The following KCNJ6 variants were observed in gnomAD, a reference collection of about 807,000 sequenced individuals.
The protein encoded by KCNJ6 is potassium inwardly rectifying channel subfamily J member 6.
A neutral mutation model predicts 34.2 loss-of-function variants in KCNJ6; 9 were observed. The ratio of observed to expected loss-of-function variants is 0.26; its 90% CI spans 0.16 to 0.46. The LOEUF is 0.46. Among genes scored for constraint, KCNJ6 ranks in the 20% least tolerant of loss-of-function variants. The probability of loss-of-function intolerance (pLI) is 1.00; values close to 1 mark genes in which losing one functional copy is unlikely to be tolerated. For missense variants in KCNJ6, 236 were observed against 531.3 expected, an observed-to-expected ratio of 0.44 and a Z score of 5.46; for synonymous variants, 196 against 207.1, an observed-to-expected ratio of 0.95 and a Z score of 0.46.
intron 2 of KCNJ6, among the ~76,000 whole-genome samples, chr21:37,748,811 C>T (rs538006887): frequency 6.4e-4 from 97 of 150,942 alleles, no homozygotes; most frequent in Admixed American, 2.0e-3. Flanking sequence ...AGTTGCCCTA[C>T]GGAGGTTTTA....
chr21:37,675,552 G>A lies in KCNJ6; in HGVS notation c.946+38659C>T, dbSNP rs1041962639. Among the ~76,000 whole-genome samples the A allele has an allele frequency of 6.6e-6, 1 of 152,238 alleles. No homozygotes were observed. The highest frequency in any genetic ancestry group is 1.5e-5 in the Non-Finnish European group (1 of 68,042). ...CCCAGCACCCCTGGGAGGAGCTGCTGCGATGACACCCAGTCCCTGGGCGCC... is the reference window on the plus strand; with the variant it reads ...CCCAGCACCCCTGGGAGGAGCTGCTACGATGACACCCAGTCCCTGGGCGCC... On this transcript the variant is annotated intron_variant, in intron 3 of 3. Transcript: ENST00000609713. This position sits in a 1 kb window ranked among gnomAD's most constrained non-coding sequence, Gnocchi z 4.2.
intron 2 of KCNJ6, among the ~76,000 whole-genome samples, chr21:37,767,770 GT>G (rs1048737187): frequency 2.0e-5 from 3 of 152,112 alleles, no homozygotes; most frequent in Non-Finnish European, 4.4e-5. Context: ...CAAAAGGTTT[GT>G]TTTTTTCTCT....
chr21:37,730,217 C>T (rs574130360), intron 2 of KCNJ6, among the ~76,000 whole-genome samples: 2 of 152,354 alleles, frequency 1.3e-5, no homozygotes, highest in East Asian at 1.9e-4. Context: ...GGACCCGCAG[C>T]CTTAAGTCTT....
In KCNJ6 at chr21:37,613,795, T is replaced by C. The variant is rs765630618; in HGVS notation, c.*11364A>G. 1 of 152,114 alleles carries C rather than the reference T, an allele frequency of 6.6e-6. No individual in the cohort carries two copies. Among genetic ancestry groups the C allele is most frequent in the Non-Finnish European group, 1.5e-5 (1 of 68,032 alleles). 9.4% of individuals were successfully genotyped at this position (152,114 alleles called of 1,614,324 possible). ...GATGAATTGGGAGAGCACAGAGGAT[T>C]TTTAGGGCCGTGGGACTATCCTGTA... On this transcript the variant is annotated 3_prime_UTR_variant, in exon 4 of 4. Transcript: ENST00000609713.
chr21:37,652,492 T>G (rs567181016), intron 3 of KCNJ6, among the ~76,000 whole-genome samples: 1 of 152,326 alleles, frequency 6.6e-6, no homozygotes, highest in East Asian at 1.9e-4. Context: ...GGAGGGTTTT[T>G]GTTTTTTTTG....
chr21:37,692,056 C>A (rs1460553363), intron 3 of KCNJ6, among the ~76,000 whole-genome samples: 4 of 152,102 alleles, frequency 2.6e-5, no homozygotes, highest in African/African-American at 9.7e-5. Flanking sequence ...ATATGTGTGT[C>A]CATTTCCATG....
At chr21:37,801,417 G>A (rs1342147045) in intron 2 of KCNJ6, among the ~76,000 whole-genome samples, 2 of 152,172 alleles carry the variant, frequency 1.3e-5, no homozygotes, top group Non-Finnish European at 2.9e-5. Context: ...TGGTTGTCCT[G>A]CCTCTCTGGT....
intron 2 of KCNJ6, among the ~76,000 whole-genome samples, chr21:37,737,980 T>C (rs2054921826): frequency 6.6e-6 from 1 of 152,234 alleles, no homozygotes; most frequent in Non-Finnish European, 1.5e-5. Flanking sequence ...GCTCTGCACC[T>C]GGCCAGCTCT....
intron 2 of KCNJ6, among the ~76,000 whole-genome samples, chr21:37,796,564 C>T (rs1177431748): frequency 1.3e-5 from 2 of 152,092 alleles, no homozygotes; most frequent in Non-Finnish European, 2.9e-5. Flanking sequence ...TGAGACTTTT[C>T]TGAGGTCCCT....
At chr21:37,886,039 T>C (rs2055733949) in intron 1 of KCNJ6, among the ~76,000 whole-genome samples, 1 of 152,166 alleles carries the variant, frequency 6.6e-6, no homozygotes, top group Non-Finnish European at 1.5e-5. Context: ...TGACACGATT[T>C]GCTTATTACG....
At chr21:37,828,277 C>T (rs536539005) in intron 2 of KCNJ6, among the ~76,000 whole-genome samples, 11 of 152,294 alleles carry the variant, frequency 7.2e-5, no homozygotes, top group Admixed American at 2.6e-4. Context: ...TACTGCTGAA[C>T]ATCCCGGACG....
At chr21:37,731,480 G>A (rs773690474) in intron 2 of KCNJ6, among the ~76,000 whole-genome samples, 4 of 152,126 alleles carry the variant, frequency 2.6e-5, no homozygotes, top group Non-Finnish European at 5.9e-5. Context: ...ACTATGTGCC[G>A]GCATTGAGCT....
At chr21:37,816,257 G>C (rs925667258) in intron 2 of KCNJ6, among the ~76,000 whole-genome samples, 1 of 152,186 alleles carries the variant, frequency 6.6e-6, no homozygotes, top group African/African-American at 2.4e-5. Context: ...ATAGGTAAGG[G>C]TTCTGTGTTT....
intron 1 of KCNJ6, among the ~76,000 whole-genome samples, chr21:37,903,121 C>T (rs2836044): frequency 0.18 from 27,297 of 152,080 alleles, 3,583 homozygotes; most frequent in African/African-American, 0.36. Context: ...CTCAGTGAGA[C>T]CCCTCTTGCC....
intron 2 of KCNJ6, among the ~76,000 whole-genome samples, chr21:37,791,292 T>C (rs1398353659): frequency 1.3e-5 from 2 of 152,238 alleles, no homozygotes; most frequent in Non-Finnish European, 2.9e-5. Context: ...AATGATAGTG[T>C]TACTCTTGAA....
intron 1 of KCNJ6, among the ~76,000 whole-genome samples, chr21:37,884,099 T>C (rs1197637700): frequency 6.6e-6 from 1 of 152,208 alleles, no homozygotes; most frequent in Non-Finnish European, 1.5e-5. Flanking sequence ...GAAGTCACCT[T>C]ACTACTTTGC....
intron 2 of KCNJ6, among the ~76,000 whole-genome samples, chr21:37,830,723 G>C (rs1427153826): frequency 6.6e-6 from 1 of 152,188 alleles, no homozygotes. Context: ...CAAGACAGCA[G>C]AAAGAAAGGA....
intron 2 of KCNJ6, among the ~76,000 whole-genome samples, chr21:37,747,762 A>T (rs1346270531): frequency 1.3e-5 from 2 of 152,122 alleles, no homozygotes; most frequent in African/African-American, 2.4e-5. Context: ...AAGGCAAGGA[A>T]ACAGATTCTC....
chr21:37,903,527 T>A (rs1468422547), intron 1 of KCNJ6, among the ~76,000 whole-genome samples: 1 of 151,926 alleles, frequency 6.6e-6, no homozygotes, highest in Non-Finnish European at 1.5e-5. Flanking sequence ...AATCTTAGGG[T>A]GCTTTAAGGG....
Sources: gnomAD v4.1 joint callset for allele counts (sites outside exome capture counted in the v4.1 genomes callset) on GRCh38, gnomAD v4.1.1 for gene constraint, Gnocchi (gnomAD v3.1) non-coding constraint, MANE v1.5 for transcripts, NCBI Gene and HGNC (gene_info 2026-07-23, HGNC 2026-07-21) for gene names.